Variants in FAM9A observed in about 807,000 individuals in gnomAD.
FAM9A encodes protein FAM9A.
Under a neutral mutation model 25.0 loss-of-function variants are expected in FAM9A, and 49 were observed. The observed-to-expected ratio is 1.96, with a 90% CI of 1.56 to 2.48. The LOEUF (loss-of-function observed/expected upper bound fraction) is 2.48. Ranked by LOEUF, FAM9A falls within the 30% of genes most tolerant of loss-of-function variation. The pLI is 0.00. For synonymous variants in FAM9A, 80 were observed against 85.1 expected, an observed-to-expected ratio of 0.94 and a Z score of 0.33; for missense variants, 266 against 249.3, an observed-to-expected ratio of 1.07 and a Z score of -0.45.
intron 7 of FAM9A, among the ~76,000 whole-genome samples, chrX:8,794,247 T>C (rs1480620827): frequency 9.0e-6 from 1 of 111,666 alleles, no homozygotes; most frequent in Non-Finnish European, 1.9e-5. Context: ...CACTCACTTA[T>C]ACAGTCATCC....
At chrX:8,794,032 G>C (rs1442207698) in intron 7 of FAM9A, among the ~76,000 whole-genome samples, 1 of 111,995 alleles carries the variant, frequency 8.9e-6, no homozygotes, top group African/African-American at 3.2e-5. Flanking sequence ...TAGAGTATTT[G>C]ACGACCCTTC....
intron 7 of FAM9A, among the ~76,000 whole-genome samples, chrX:8,794,864 G>A (rs1180317482): frequency 9.0e-6 from 1 of 111,679 alleles, no homozygotes; most frequent in Non-Finnish European, 1.9e-5. Flanking sequence ...TATGCCAACC[G>A]GGCTCACTTT....
In FAM9A at chrX:8,798,464, C is replaced by A; in HGVS notation, c.236G>T (p.Arg79Leu). 8.3e-7 allele frequency: 1 copy of A among 1,210,167 alleles called. No homozygotes were observed. The highest frequency in any genetic ancestry group is 1.1e-6 in the Non-Finnish European group (1 of 895,200). ...AKKHTGKDPV[R>L]DECEERNPFT... ...AGGGTTTCTTTCCTCACATTCATCACGGACTGGATCCTTTCCTGCATTAAA... is the reference window on the plus strand; with the variant it reads ...AGGGTTTCTTTCCTCACATTCATCAAGGACTGGATCCTTTCCTGCATTAAA... The change falls in exon 4 of 10, where the codon CGT becomes CTT. Residue 79 changes from arginine to leucine, a missense_variant. Transcript: ENST00000381003.
rs1933610557 is a variant in FAM9A, at chrX:8,801,382, T to C, written c.-110A>G. 1 of 112,349 alleles carries C rather than the reference T, an allele frequency of 8.9e-6. No individual in the cohort carries two copies. The highest frequency in any genetic ancestry group is 3.2e-5 in the African/African-American group (1 of 30,978). 9.3% of individuals were successfully genotyped at this position (112,349 alleles called of 1,213,427 possible). A position where few individuals can be genotyped will look rare whatever the true frequency, so the allele number is the denominator to read the frequency against. ...GCACCACGACGCTCTCTTAGAAAAA[T>C]GGGTCCTCAGTTCTCGCGAGAGCAG... On this transcript the variant is annotated 5_prime_UTR_variant, in exon 1 of 10. Coordinates refer to ENST00000381003, the MANE Select transcript of FAM9A (RefSeq NM_174951.3).
intron 5 of FAM9A, among the ~76,000 whole-genome samples, chrX:8,797,701 TG>T (rs1933549041): frequency 9.0e-6 from 1 of 111,215 alleles, no homozygotes; most frequent in South Asian, 3.8e-4. Context: ...GCTTATAACC[TG>T]GGTGATAAAT....
intron 7 of FAM9A, among the ~76,000 whole-genome samples, chrX:8,794,425 C>G (rs772754746): frequency 8.9e-6 from 1 of 112,035 alleles, no homozygotes; most frequent in Non-Finnish European, 1.9e-5. Flanking sequence ...CTTACCGTGT[C>G]TCCTTTTGCA....
At chrX:8,794,976 G>A (rs1302839533) in intron 7 of FAM9A, 102 bp downstream of exon 7, 2 of 1,100,590 alleles carry the variant, frequency 1.8e-6, no homozygotes, top group Non-Finnish European at 2.4e-6. Context: ...CCCCCTCTCT[G>A]GGCTCATGCT....
At chrX:8,800,368 C>T (rs760189796) in intron 1 of FAM9A, among the ~76,000 whole-genome samples, 159 bp from the exon 2 acceptor site, 1 of 111,514 alleles carries the variant, frequency 9.0e-6, no homozygotes, top group East Asian at 2.9e-4. Flanking sequence ...CCCCTCCTAT[C>T]CTTCGTGGCC....
At chrX:8,797,899 T>C (rs1306425495) in intron 5 of FAM9A, among the ~76,000 whole-genome samples, 1 of 112,111 alleles carries the variant, frequency 8.9e-6, no homozygotes, top group Non-Finnish European at 1.9e-5. Flanking sequence ...TAAATTTCCA[T>C]GTGTATGAAA....
At chrX:8,796,568 T>C (rs1933536602) in intron 5 of FAM9A, among the ~76,000 whole-genome samples, 186 bp from the exon 6 acceptor site, 1 of 112,276 alleles carries the variant, frequency 8.9e-6, no homozygotes, top group Non-Finnish European at 1.9e-5. Flanking sequence ...TACGTATTAA[T>C]ATTAGTACTC....
chrX:8,799,235 G>T, intron 2 of FAM9A, 141 bp from the exon 3 acceptor site: 3 of 860,922 alleles, frequency 3.5e-6, no homozygotes, highest in Non-Finnish European at 4.8e-6. Context: ...TGGAGAAGAT[G>T]CCAGTGTCCC....
intron 6 of FAM9A, among the ~76,000 whole-genome samples, chrX:8,795,795 C>T (rs187907535): frequency 3.5e-4 from 39 of 112,082 alleles, no homozygotes; most frequent in African/African-American, 1.1e-3. Flanking sequence ...TGTAAGATTT[C>T]CCAAAAGAAA....
chrX:8,793,229 A>G (rs1452798407), intron 8 of FAM9A, among the ~76,000 whole-genome samples: 1 of 112,044 alleles, frequency 8.9e-6, no homozygotes, highest in Non-Finnish European at 1.9e-5. Context: ...CTGAAAACTG[A>G]AAATAAAATC....
intron 8 of FAM9A, 65 bp downstream of exon 8, chrX:8,793,593 C>T: frequency 2.1e-6 from 2 of 941,936 alleles, no homozygotes; most frequent in Non-Finnish European, 1.5e-6. Context: ...CGGAAACAAA[C>T]AGACTTTCTT....
At chrX:8,795,741 T>C (rs1346376882) in intron 6 of FAM9A, among the ~76,000 whole-genome samples, 1 of 112,183 alleles carries the variant, frequency 8.9e-6, no homozygotes, top group Admixed American at 9.5e-5. Flanking sequence ...AAATAACATA[T>C]GGGTTCTCAT....
In FAM9A at chrX:8,799,258, C is replaced by G. The variant is rs201523253; in HGVS notation, c.92-164G>C. Among the ~76,000 whole-genome samples, 430 of 111,718 alleles carry G rather than the reference C, an allele frequency of 3.8e-3. 1 individual carries two copies. The highest frequency in any genetic ancestry group is 9.3e-3 in the Middle Eastern group (2 of 214). ...ATGCCAGTGTCCCCTCCTATCCTTC[C>G]TGGCCCGTCCAGCCCCTCCCTGGGG... On this transcript the variant is annotated intron_variant, in intron 2 of 9. Transcript: ENST00000381003.
Position 8,798,495 on chromosome X carries a change from A to G in FAM9A, c.221-16T>C, listed in dbSNP as rs772420118. ...GGATCCTTTCCTGCATTAAAATGTA[A>G]AAGACAAACCATTTTTAGAGGAAGA... On this transcript the variant is annotated splice_polypyrimidine_tract_variant and intron_variant, in intron 3 of 9. Transcript: ENST00000381003. 1 of 1,203,632 alleles carries G rather than the reference A, an allele frequency of 8.3e-7. No homozygotes were observed.
At chrX:8,793,009 A>C (rs1415784152) in intron 8 of FAM9A, among the ~76,000 whole-genome samples, 3 of 112,500 alleles carry the variant, frequency 2.7e-5, no homozygotes, top group East Asian at 5.5e-4. Flanking sequence ...ACAAATTGTC[A>C]TGTAAAACCA....
At position 8,799,346 on chromosome X, in the gene FAM9A, T is replaced by A. The variant is rs182882754; in HGVS notation, c.92-252A>T. Among the ~76,000 whole-genome samples, 12 of 110,145 alleles carry A rather than the reference T, an allele frequency of 1.1e-4. No individual in the cohort carries two copies. The East Asian group carries it at 2.1e-3, about 19-fold the overall frequency. On this transcript the variant is annotated intron_variant, in intron 2 of 9. Transcript: ENST00000381003. ...TGGCCCCTGCAGGATCCTTGCGGTG[T>A]CCCTGGGACAGAGCTCAGCCCTGCC... is the stretch of plus-strand genomic sequence containing the variant.
Sources: allele counts gnomAD v4.1 joint callset (sites outside exome capture counted in the v4.1 genomes callset), GRCh38; gene constraint gnomAD v4.1.1; transcripts MANE v1.5; gene names NCBI Gene and HGNC (gene_info 2026-07-23, HGNC 2026-07-21).